FAT3: variants seen among roughly 807,000 people sequenced by gnomAD.
FAT3 encodes the protein FAT atypical cadherin 3.
Under a neutral mutation model 310.2 loss-of-function variants are expected in FAT3, and 95 were observed. The observed-to-expected ratio is 0.31, with a 90% CI of 0.26 to 0.36. The LOEUF is 0.36. FAT3 is among the 10% of genes least tolerant of loss of function. The pLI, the probability that FAT3 is intolerant of heterozygous loss-of-function variation, is 1.00. For missense variants in FAT3, 5,408 were observed against 5,715.6 expected, an observed-to-expected ratio of 0.95 and a Z score of 1.74; for synonymous variants, 2,314 against 2,192.9, an observed-to-expected ratio of 1.06 and a Z score of -1.54.
intron 3 of FAT3, among the ~76,000 whole-genome samples, chr11:92,590,907 G>A (rs1939390788): frequency 6.6e-6 from 1 of 152,076 alleles, no homozygotes; most frequent in South Asian, 2.1e-4. Context: ...AGCCTAAACT[G>A]TACTAAGTCG....
intron 2 of FAT3, among the ~76,000 whole-genome samples, chr11:92,427,708 A>G (rs1263888045): frequency 6.6e-6 from 1 of 152,204 alleles, no homozygotes; most frequent in Non-Finnish European, 1.5e-5. Flanking sequence ...CTTGCATCCC[A>G]GGGATGAAGC....
At chr11:92,640,744 A>C (rs1941927800) in intron 3 of FAT3, among the ~76,000 whole-genome samples, 1 of 152,212 alleles carries the variant, frequency 6.6e-6, no homozygotes, top group Non-Finnish European at 1.5e-5. Context: ...CATTTTGAGT[A>C]AAAGGTAGCC....
intron 3 of FAT3, among the ~76,000 whole-genome samples, chr11:92,544,734 G>A (rs1204978716): frequency 6.6e-6 from 1 of 152,200 alleles, no homozygotes; most frequent in Non-Finnish European, 1.5e-5. Flanking sequence ...TGCTTCCAGG[G>A]TTCAGCATTC....
At position 92,354,434 on chromosome 11, in the gene FAT3, T is replaced by C. The variant is rs988547366; in HGVS notation, c.2322T>C (p.Phe774=). The change falls in exon 2 of 28, where the codon TTT becomes TTC. Residue 774 remains phenylalanine, a synonymous_variant. Transcript: ENST00000525166. ...CAGATGGAAATACGGATAGTTGCTT[T>C]AATATTGATATGGAGACTGGGCAGC... is the stretch of plus-strand genomic sequence containing the variant. ...TISDGNTDSC[F]NIDMETGQLK... The C allele has an allele frequency of 1.2e-6, 2 of 1,613,808 alleles. No homozygotes were observed. Among genetic ancestry groups the C allele is most frequent in the African/African-American group, 2.7e-5 (2 of 74,918 alleles).
chr11:92,356,093 G>A (rs544069350), intron 2 of FAT3, among the ~76,000 whole-genome samples: 9 of 152,122 alleles, frequency 5.9e-5, no homozygotes, highest in South Asian at 2.1e-4. Context: ...TATTTTCATC[G>A]CTTCTGACTT....
intron 3 of FAT3, among the ~76,000 whole-genome samples, chr11:92,685,253 G>A (rs1943598416): frequency 6.6e-6 from 1 of 152,102 alleles, no homozygotes; most frequent in African/African-American, 2.4e-5. Flanking sequence ...AAAGAATCAA[G>A]ATAAACTCAT....
intron 1 of FAT3, among the ~76,000 whole-genome samples, chr11:92,242,751 C>A (rs1375461903): frequency 2.0e-5 from 3 of 151,936 alleles, no homozygotes; most frequent in African/African-American, 7.2e-5. Context: ...CTTATGGTCA[C>A]CCCTGGAAAT....
At chr11:92,765,253 C>A (rs944428583) in intron 6 of FAT3, among the ~76,000 whole-genome samples, 164 bp downstream of exon 6, 2 of 152,072 alleles carry the variant, frequency 1.3e-5, no homozygotes, top group African/African-American at 4.8e-5. Flanking sequence ...AATAATCGAC[C>A]TGTGCTTTCG....
chr11:92,880,414 C>T (rs1438504375), intron 22 of FAT3, among the ~76,000 whole-genome samples: 2 of 151,004 alleles, frequency 1.3e-5, no homozygotes, highest in Non-Finnish European at 2.9e-5. Flanking sequence ...GTAATAGTGC[C>T]GGGGAGAAAA....
At chr11:92,381,324 G>A (rs545771612) in intron 2 of FAT3, among the ~76,000 whole-genome samples, 1 of 152,262 alleles carries the variant, frequency 6.6e-6, no homozygotes, top group South Asian at 2.1e-4. Context: ...GTCTAGCCTA[G>A]CCAACATGGT....
chr11:92,321,843 TA>T (rs1947627702), intron 1 of FAT3, among the ~76,000 whole-genome samples: 2 of 152,210 alleles, frequency 1.3e-5, no homozygotes, highest in Non-Finnish European at 2.9e-5. Flanking sequence ...TTCTCTTTGG[TA>T]AAATGTTTTT....
At chr11:92,819,111 G>A (rs1419502595) in intron 13 of FAT3, among the ~76,000 whole-genome samples, 1 of 152,122 alleles carries the variant, frequency 6.6e-6, no homozygotes, top group Non-Finnish European at 1.5e-5. Context: ...AAACTCTGAG[G>A]GGTTAAGTAA....
At chr11:92,507,962 A>T (rs1345542580) in intron 2 of FAT3, among the ~76,000 whole-genome samples, 1 of 152,110 alleles carries the variant, frequency 6.6e-6, no homozygotes, top group East Asian at 1.9e-4. Flanking sequence ...AGGAAAAGGC[A>T]GTTTGGTGAG....
rs867443093 is a variant in FAT3, at chr11:92,642,421, A to G, written c.3608-54963A>G. Among the ~76,000 whole-genome samples the G allele has an allele frequency of 8.5e-5, 13 of 152,316 alleles. No individual in the cohort carries two copies. In the South Asian group the frequency reaches 1.0e-3, roughly 12 times the overall value. On this transcript the variant is annotated intron_variant, in intron 3 of 27. Coordinates refer to ENST00000525166, the MANE Select transcript of FAT3 (RefSeq NM_001367949.2). Reference sequence around the variant, plus strand: ...ATTTTAACCTCCAGTGCAAAACTGGACTGTCATCTCAATTATTTTCTGGGC... The same window carrying G: ...ATTTTAACCTCCAGTGCAAAACTGGGCTGTCATCTCAATTATTTTCTGGGC...
At chr11:92,335,293 A>G (rs1948036837) in intron 1 of FAT3, among the ~76,000 whole-genome samples, 1 of 151,984 alleles carries the variant, frequency 6.6e-6, no homozygotes, top group Non-Finnish European at 1.5e-5. Context: ...AAATTCCTAA[A>G]TGATTTCAAA....
intron 22 of FAT3, among the ~76,000 whole-genome samples, chr11:92,875,936 A>G (rs1246548484): frequency 6.6e-6 from 1 of 152,194 alleles, no homozygotes; most frequent in African/African-American, 2.4e-5. Context: ...AGAGACATCA[A>G]ATTGCTTCTC....
intron 1 of FAT3, among the ~76,000 whole-genome samples, chr11:92,289,543 A>G (rs2845867): frequency 0.7 from 105,491 of 151,318 alleles, 36,950 homozygotes; most frequent in African/African-American, 0.76. Context: ...ACACATATAT[A>G]TGTGCACATT....
chr11:92,688,557 A>G lies in FAT3; in HGVS notation c.3608-8827A>G, dbSNP rs531890331. On this transcript the variant is annotated intron_variant, in intron 3 of 27. Coordinates refer to ENST00000525166, the MANE Select transcript of FAT3 (RefSeq NM_001367949.2). ...ATGCCTAGGCTCCACCACATACCAAATAATTCATAATCTCTGGGTGTGGGA... is the reference window on the plus strand; with the variant it reads ...ATGCCTAGGCTCCACCACATACCAAGTAATTCATAATCTCTGGGTGTGGGA... Among the ~76,000 whole-genome samples, 35 of 152,288 alleles carry G rather than the reference A, an allele frequency of 2.3e-4. No homozygotes were observed. The South Asian group carries it at 6.6e-3, about 29-fold the overall frequency.
intron 2 of FAT3, among the ~76,000 whole-genome samples, chr11:92,456,339 A>G (rs2135088951): frequency 6.6e-6 from 1 of 152,338 alleles, no homozygotes; most frequent in East Asian, 1.9e-4. Flanking sequence ...AGGCAGACTT[A>G]GCACATGAAA....
Sources: gnomAD v4.1 joint callset for allele counts (sites outside exome capture counted in the v4.1 genomes callset) on GRCh38, gnomAD v4.1.1 for gene constraint, MANE v1.5 for transcripts, NCBI Gene and HGNC (gene_info 2026-07-23, HGNC 2026-07-21) for gene names.